The following IFT43 variants were observed in gnomAD, a reference collection of about 807,000 sequenced individuals.
IFT43 encodes the protein intraflagellar transport protein 43 homolog.
Under a neutral mutation model 32.3 loss-of-function variants are expected in IFT43, and 33 were observed. That is an observed-to-expected ratio of 1.02 (90% CI 0.77 to 1.37). The LOEUF is 1.37. Ranked by LOEUF, IFT43 falls within the 40% of genes most tolerant of loss-of-function variation. IFT43 has a pLI of 0.00. For missense variants in IFT43, 274 were observed against 265.9 expected (o/e 1.03, Z -0.21); for synonymous variants, 93 against 98.2 (o/e 0.95, Z 0.31).
intron 2 of IFT43, among the ~76,000 whole-genome samples, chr14:76,002,140 A>T (rs2035898207): frequency 6.6e-6 from 1 of 152,198 alleles, no homozygotes; most frequent in Non-Finnish European, 1.5e-5. Flanking sequence ...CCAGCTACTC[A>T]GGAGGCTGAG....
At chr14:76,037,379 C>T (rs999476652) in intron 3 of IFT43, among the ~76,000 whole-genome samples, 3 of 152,296 alleles carry the variant, frequency 2.0e-5, no homozygotes, top group East Asian at 3.9e-4. Context: ...ATCAGACTCC[C>T]CTCTCATGGT....
chr14:76,049,323 C>T (rs1009849128), intron 3 of IFT43, among the ~76,000 whole-genome samples: 2 of 152,216 alleles, frequency 1.3e-5, no homozygotes, highest in Non-Finnish European at 2.9e-5. Context: ...TCTCCATTTA[C>T]AGCCAGTGTT....
At chr14:76,053,420 G>T (rs2036952254) in intron 3 of IFT43, among the ~76,000 whole-genome samples, 1 of 152,164 alleles carries the variant, frequency 6.6e-6, no homozygotes, top group South Asian at 2.1e-4. Flanking sequence ...ACCAGGACGG[G>T]ACTGGGTGAG....
chr14:76,073,857 T>C (rs1340908203), intron 5 of IFT43, among the ~76,000 whole-genome samples: 1 of 151,878 alleles, frequency 6.6e-6, no homozygotes, highest in Non-Finnish European at 1.5e-5. Context: ...GGACCCGTTC[T>C]CCCCCTCCCC....
intron 3 of IFT43, among the ~76,000 whole-genome samples, chr14:76,050,302 A>G (rs866621902): frequency 2.0e-5 from 3 of 152,176 alleles, no homozygotes; most frequent in Non-Finnish European, 4.4e-5. Flanking sequence ...CACTGCGTCC[A>G]CTGGCTTTGG....
chr14:75,986,110 T>C lies in IFT43; in HGVS notation c.54+270T>C, dbSNP rs1284991609. ...TAGGACCGTGGGAAATTTCCGAGCC[T>C]TTCTCCGTTTTCTAGAGCCCCGAGT... On this transcript the variant is annotated intron_variant, in intron 1 of 8. Coordinates refer to ENST00000314067, the MANE Select transcript of IFT43 (RefSeq NM_001102564.3). 7 of 1,428,166 alleles carry C rather than the reference T, an allele frequency of 4.9e-6. No individual in the cohort carries two copies. The Admixed American group carries it at 1.5e-4, about 30-fold the overall frequency. 88.5% of individuals were successfully genotyped at this position (1,428,166 alleles called of 1,614,324 possible).
intron 2 of IFT43, among the ~76,000 whole-genome samples, chr14:75,995,140 T>C (rs1265514194): frequency 6.6e-6 from 1 of 152,238 alleles, no homozygotes; most frequent in East Asian, 1.9e-4. Flanking sequence ...CTTATCATCA[T>C]GTTGTACATG....
At chr14:76,073,532 C>T (rs1028959445) in intron 5 of IFT43, among the ~76,000 whole-genome samples, 1 of 152,144 alleles carries the variant, frequency 6.6e-6, no homozygotes, top group African/African-American at 2.4e-5. Context: ...GTTTTCCTTT[C>T]GTGCTTTAGG....
intron 3 of IFT43, among the ~76,000 whole-genome samples, chr14:76,053,899 G>A (rs1051811096): frequency 2.6e-5 from 4 of 152,186 alleles, no homozygotes; most frequent in Non-Finnish European, 5.9e-5. Flanking sequence ...GTACTTGGGC[G>A]TGAATTTCAG....
At chr14:76,076,774 A>C (rs1041589428) in intron 5 of IFT43, 2 of 1,473,474 alleles carry the variant, frequency 1.4e-6, no homozygotes, top group African/African-American at 2.8e-5. Context: ...TAGTGTGCGC[A>C]TGTGATGATA....
intron 2 of IFT43, 57 bp downstream of exon 2, chr14:75,989,034 C>T (rs2035587198): frequency 6.3e-7 from 1 of 1,595,460 alleles, no homozygotes; most frequent in African/African-American, 1.3e-5. Flanking sequence ...TTAGTGATTC[C>T]TTAATGACCA....
chr14:76,054,656 C>T (rs1008964055), intron 3 of IFT43, among the ~76,000 whole-genome samples: 3 of 152,188 alleles, frequency 2.0e-5, no homozygotes, highest in Non-Finnish European at 4.4e-5. Flanking sequence ...GAGGTGATCT[C>T]GCTGGAATTA....
Position 76,025,108 on chromosome 14 carries a change from G to T in IFT43, c.215+2714G>T, listed in dbSNP as rs550901461. 3.1e-3 allele frequency among the ~76,000 whole-genome samples: 473 copies of T among 152,268 alleles called. 4 individuals carry two copies. Among genetic ancestry groups the T allele is most frequent in the African/African-American group, 0.011 (452 of 41,538 alleles). ...ATAAAAAAAATATATATACCAGTGG[G>T]ATGGCCAGTGATCGAATTTAACTAC... On this transcript the variant is annotated intron_variant, in intron 3 of 8. Coordinates refer to ENST00000314067, the MANE Select transcript of IFT43 (RefSeq NM_001102564.3).
At chr14:76,063,301 C>T (rs1031035867) in intron 5 of IFT43, among the ~76,000 whole-genome samples, 1 of 152,234 alleles carries the variant, frequency 6.6e-6, no homozygotes, top group African/African-American at 2.4e-5. Flanking sequence ...GGAGGTTGTG[C>T]TCAAGTCTGC....
chr14:75,995,203 A>G (rs969858805), intron 2 of IFT43, among the ~76,000 whole-genome samples: 4 of 152,120 alleles, frequency 2.6e-5, no homozygotes, highest in Non-Finnish European at 5.9e-5. Flanking sequence ...GCATTCAGCT[A>G]ATCTGTGACT....
At chr14:76,051,020 G>A (rs2036904313) in intron 3 of IFT43, among the ~76,000 whole-genome samples, 1 of 151,644 alleles carries the variant, frequency 6.6e-6, no homozygotes, top group Non-Finnish European at 1.5e-5. Context: ...GAATTGCCTT[G>A]TGATTCACTA....
At chr14:76,072,024 G>C (rs1045841658) in intron 5 of IFT43, among the ~76,000 whole-genome samples, 5 of 152,178 alleles carry the variant, frequency 3.3e-5, no homozygotes, top group African/African-American at 1.2e-4. Context: ...TCTTGGCCAT[G>C]TCCTCAGTTC....
chr14:76,038,784 A>G (rs934320512), intron 3 of IFT43, among the ~76,000 whole-genome samples: 9 of 152,156 alleles, frequency 5.9e-5, no homozygotes, highest in South Asian at 2.1e-4. Flanking sequence ...GTCCTTTCCT[A>G]TCTTCACACA....
chr14:76,022,423 G>C, intron 3 of IFT43, 29 bp downstream of exon 3: 1 of 1,343,234 alleles, frequency 7.4e-7, no homozygotes, highest in Non-Finnish European at 1.1e-6. Flanking sequence ...TAAGAGTATG[G>C]GTGGGGGTGC....
Sources: gnomAD v4.1 joint callset for allele counts (sites outside exome capture counted in the v4.1 genomes callset) on GRCh38, gnomAD v4.1.1 for gene constraint, MANE v1.5 for transcripts, NCBI Gene and HGNC (gene_info 2026-07-23, HGNC 2026-07-21) for gene names.